The following SLC28A1 variants were observed in gnomAD, a reference collection of about 807,000 sequenced individuals.
The protein encoded by SLC28A1 is sodium/nucleoside cotransporter 1.
Under a neutral mutation model 74.8 loss-of-function variants are expected in SLC28A1, and 64 were observed. The observed-to-expected ratio is 0.86, with a 90% CI of 0.70 to 1.05. SLC28A1 has a LOEUF of 1.05. Ranked by LOEUF, SLC28A1 falls within the 50% of genes least tolerant of loss-of-function variation. The pLI, the probability that SLC28A1 is intolerant of heterozygous loss-of-function variation, is 0.00. For missense variants in SLC28A1, 828 were observed against 822.8 expected, an observed-to-expected ratio of 1.01 and a Z score of -0.08; for synonymous variants, 359 against 335.0, an observed-to-expected ratio of 1.07 and a Z score of -0.78.
intron 11 of SLC28A1, among the ~76,000 whole-genome samples, chr15:84,923,628 AG>A (rs1262539642): frequency 1.3e-5 from 2 of 152,140 alleles, no homozygotes; most frequent in African/African-American, 2.4e-5. Flanking sequence ...TTACATGAGC[AG>A]GGGTCATTCC....
At position 84,919,842 on chromosome 15, in the gene SLC28A1, A is replaced by C. The variant is rs138586701; in HGVS notation, c.877-1147A>C. On this transcript the variant is annotated intron_variant, in intron 10 of 18. Transcript: ENST00000394573. ...AACATGAGTTTAGGTGGGGATATTCAAACCATAGCAGTTATGTTAAGAGCA... is the reference window on the plus strand; with the variant it reads ...AACATGAGTTTAGGTGGGGATATTCCAACCATAGCAGTTATGTTAAGAGCA... Among the ~76,000 whole-genome samples the C allele has an allele frequency of 8.9e-4, 136 of 152,298 alleles. 1 individual carries two copies. Among genetic ancestry groups the C allele is most frequent in the African/African-American group, 1.1e-3 (46 of 41,560 alleles).
At chr15:84,895,826 T>G in intron 6 of SLC28A1, 1 of 1,093,184 alleles carries the variant, frequency 9.1e-7, no homozygotes, top group Non-Finnish European at 1.1e-6. Context: ...TACTCTATTT[T>G]GTTGATGAAG....
the SLC28A1 span, among the ~76,000 whole-genome samples, chr15:84,969,740 A>C: frequency 1.3e-5 from 2 of 152,150 alleles, no homozygotes; most frequent in Non-Finnish European, 2.9e-5. Flanking sequence ...ACTATTTAGC[A>C]ATAATCTCCA....
chr15:84,901,404 G>A (rs1427969544), intron 6 of SLC28A1, among the ~76,000 whole-genome samples: 1 of 152,178 alleles, frequency 6.6e-6, no homozygotes, highest in East Asian at 1.9e-4. Flanking sequence ...CCACTTGGGA[G>A]ACTGAGGCAG....
chr15:84,926,808 G>A lies in SLC28A1; in HGVS notation c.1083+2698G>A, dbSNP rs566724542. ...CTGTGTGGGGGGTGGGGGGAGGGGG[G>A]GGGTGGTGGTAGGCGGTGACCAGAA... On this transcript the variant is annotated intron_variant, in intron 12 of 18. Coordinates refer to ENST00000394573, the MANE Select transcript of SLC28A1 (RefSeq NM_004213.5). 7.6e-3 allele frequency among the ~76,000 whole-genome samples: 1,098 copies of A among 143,798 alleles called. 34 individuals are homozygous for A. The highest frequency in any genetic ancestry group is 0.027 in the African/African-American group (1,049 of 39,272). The allele number at this position is 143,798 out of a possible 152,430, so 94.3% of individuals were successfully genotyped here.
Position 84,945,276 on chromosome 15 carries a change from TC to T in SLC28A1, c.*79del. On this transcript the variant is annotated 3_prime_UTR_variant, in exon 19 of 19. Coordinates refer to ENST00000394573, the MANE Select transcript of SLC28A1 (RefSeq NM_004213.5). ...GAACCATCTGTCCCCACCTTCCCTT[TC>T]CCAGAGCCCTCTTCAGGGAAGCCAC... 7.2e-7 allele frequency: 1 copy of T among 1,391,088 alleles called. No homozygotes were observed. Among genetic ancestry groups the T allele is most frequent in the South Asian group, 1.2e-5 (1 of 85,352 alleles). The allele number at this position is 1,391,088 out of a possible 1,614,324, so 86.2% of individuals were successfully genotyped here.
intron 6 of SLC28A1, among the ~76,000 whole-genome samples, chr15:84,900,788 C>T (rs182575778): frequency 3.6e-4 from 54 of 151,876 alleles, no homozygotes; most frequent in African/African-American, 1.3e-3. Context: ...GCACTCCAGC[C>T]TGGGCAACAA....
Position 84,916,418 on chromosome 15 carries a change from A to T in SLC28A1, c.796-2106A>T, listed in dbSNP as rs1174626327. On this transcript the variant is annotated intron_variant, in intron 9 of 18. Coordinates refer to ENST00000394573, the MANE Select transcript of SLC28A1 (RefSeq NM_004213.5). ...CACCATACATAGCTGTTAAAAAAAA[A>T]TTTGTTTATGTAGAGATGGGGGCCT... Among the ~76,000 whole-genome samples, 4 of 150,050 alleles carry T rather than the reference A, an allele frequency of 2.7e-5. No individual in the cohort carries two copies. In the East Asian group the frequency reaches 6.0e-4, roughly 23 times the overall value.
At position 84,894,896 on chromosome 15, in the gene SLC28A1, G is replaced by A. The variant is rs753980392; in HGVS notation, c.278-44G>A. ...GGGCGGGGCTGCAGGGTTCTGAAGA[G>A]GTGGTGTCCTGGCTGTTGACCCCTC... On this transcript the variant is annotated intron_variant, in intron 5 of 18. Coordinates refer to ENST00000394573, the MANE Select transcript of SLC28A1 (RefSeq NM_004213.5). 4 of 1,594,180 alleles carry A rather than the reference G, an allele frequency of 2.5e-6. No homozygotes were observed. In the South Asian group the frequency reaches 4.4e-5, roughly 18 times the overall value.
chr15:84,938,699 A>C (rs995536352), intron 15 of SLC28A1, among the ~76,000 whole-genome samples: 2 of 152,166 alleles, frequency 1.3e-5, no homozygotes, highest in African/African-American at 2.4e-5. Flanking sequence ...AAAGCAAAGG[A>C]ACAAAAATTA....
intron 9 of SLC28A1, among the ~76,000 whole-genome samples, chr15:84,911,875 A>AAAAG (rs1567149254): frequency 1.8e-5 from 2 of 111,830 alleles, no homozygotes; most frequent in South Asian, 5.1e-4. Context: ...AAAAAAAAAA[A>AAAAG]AAGAAGAAGA....
At chr15:84,913,974 G>A (rs1003334745) in intron 9 of SLC28A1, among the ~76,000 whole-genome samples, 5 of 151,992 alleles carry the variant, frequency 3.3e-5, no homozygotes, top group African/African-American at 1.2e-4. Context: ...TTTGAGACAG[G>A]ATCTCACTCT....
chr15:84,906,566 C>T (rs867483663), intron 8 of SLC28A1, among the ~76,000 whole-genome samples: 260 of 10,006 alleles, frequency 0.026, 3 homozygotes, highest in South Asian at 0.15. Flanking sequence ...CTTTCTTTCT[C>T]TTTCTTTCTT....
At chr15:84,895,245 C>T (rs926416916) in intron 6 of SLC28A1, 122 bp downstream of exon 6, 128 of 1,570,028 alleles carry the variant, frequency 8.2e-5, no homozygotes, top group South Asian at 2.4e-4. Flanking sequence ...AACTCTCTGG[C>T]GCCCCAGGGC....
intron 6 of SLC28A1, among the ~76,000 whole-genome samples, chr15:84,899,971 G>GGAAGGAAGGAAGGAAA (rs1555444991): frequency 5.8e-4 from 64 of 109,878 alleles, no homozygotes; most frequent in Non-Finnish European, 9.1e-4. Context: ...AAGGAAAGAA[G>GGAAGGAAGGAAGGAAA]GAAGGAAGGA....
chr15:84,930,705 T>C (rs1246386749), intron 12 of SLC28A1, among the ~76,000 whole-genome samples: 3 of 149,340 alleles, frequency 2.0e-5, no homozygotes, highest in African/African-American at 7.4e-5. Context: ...TCCTGGGTTC[T>C]ACCCATTCTC....
At chr15:84,923,738 T>C (rs1250177248) in intron 11 of SLC28A1, among the ~76,000 whole-genome samples, 1 of 151,818 alleles carries the variant, frequency 6.6e-6, no homozygotes, top group African/African-American at 2.4e-5. Flanking sequence ...CTTAGCGGGG[T>C]GCCTGGCACG....
chr15:84,902,250 C>T (rs944872454), intron 6 of SLC28A1, among the ~76,000 whole-genome samples: 3 of 152,198 alleles, frequency 2.0e-5, no homozygotes, highest in East Asian at 3.9e-4. Flanking sequence ...GAGGCTGAGG[C>T]GGGCAGATCA....
At chr15:84,975,504 G>C in the SLC28A1 span, 4 of 456,084 alleles carry the variant, frequency 8.8e-6, no homozygotes, top group Middle Eastern at 3.2e-4. Flanking sequence ...CTTGCTCTTA[G>C]GATATTCAAA....
Sources: allele counts gnomAD v4.1 joint callset (sites outside exome capture counted in the v4.1 genomes callset), GRCh38; gene constraint gnomAD v4.1.1; transcripts MANE v1.5; gene names NCBI Gene and HGNC (gene_info 2026-07-23, HGNC 2026-07-21).